OSBPL1A: variants seen among roughly 807,000 people sequenced by gnomAD.
The protein encoded by OSBPL1A is oxysterol-binding protein-related protein 1.
Under a neutral mutation model 137.1 loss-of-function variants are expected in OSBPL1A, and 80 were observed. The ratio of observed to expected loss-of-function variants is 0.58; its 90% CI spans 0.49 to 0.70. The LOEUF (loss-of-function observed/expected upper bound fraction) is 0.70. Among genes scored for constraint, OSBPL1A ranks in the 30% least tolerant of loss-of-function variants. The probability of loss-of-function intolerance (pLI) is 0.00; values close to 1 mark genes in which losing one functional copy is unlikely to be tolerated. For synonymous variants in OSBPL1A, 365 were observed against 389.7 expected (o/e 0.94, Z 0.75); for missense variants, 970 against 1,129.4 (o/e 0.86, Z 2.02).
intron 17 of OSBPL1A, among the ~76,000 whole-genome samples, chr18:24,216,813 A>C (rs1208318747): frequency 6.6e-6 from 1 of 152,142 alleles, no homozygotes; most frequent in African/African-American, 2.4e-5. Flanking sequence ...ATAAGACTAC[A>C]AACAACGGTC....
chr18:24,288,641 G>A (rs925615401), intron 14 of OSBPL1A, among the ~76,000 whole-genome samples: 1 of 152,050 alleles, frequency 6.6e-6, no homozygotes. Flanking sequence ...GGTGGCACAC[G>A]CCTGTAATCC....
At chr18:24,216,277 G>A (rs11083020) in intron 17 of OSBPL1A, among the ~76,000 whole-genome samples, 62,678 of 152,168 alleles carry the variant, frequency 0.41, 14,570 homozygotes, top group East Asian at 0.72. Context: ...AGGCCAAGGC[G>A]GGTGGATTGC....
intron 1 of OSBPL1A, among the ~76,000 whole-genome samples, chr18:24,381,103 C>A (rs772113787): frequency 6.6e-6 from 1 of 152,146 alleles, no homozygotes; most frequent in South Asian, 2.1e-4. Context: ...TCAGGACCCC[C>A]GTGGTAGTTA....
At chr18:24,175,116 A>ACATATATATATATATATATACG (rs2086403007) in intron 21 of OSBPL1A, among the ~76,000 whole-genome samples, 5 of 32,796 alleles carry the variant, frequency 1.5e-4, no homozygotes, top group African/African-American at 3.1e-4. Flanking sequence ...ATGTATATAT[A>ACATATATATATATATATATACG]TATATATATA....
intron 19 of OSBPL1A, 105 bp from the exon 20 acceptor site, chr18:24,179,940 AGGAGTTTCATTACTTT>A: frequency 1.2e-6 from 1 of 862,884 alleles, no homozygotes; most frequent in Middle Eastern, 2.2e-4. Flanking sequence ...AATTATTTTG[AGGAGTTTCATTACTTT>A]GGAGTTTTAA....
At position 24,219,611 on chromosome 18, in the gene OSBPL1A, G is replaced by C. The variant is rs556058772; in HGVS notation, c.1601+5431C>G. 1.3e-4 allele frequency among the ~76,000 whole-genome samples: 20 copies of C among 152,262 alleles called. No individual in the cohort carries two copies. The East Asian group carries it at 3.9e-3, about 29-fold the overall frequency. ...CAATAATCACTCATCTAGACTAGATGAGAACAAGCGCTTGGAGTCTGGTGA... is the reference window on the plus strand; with the variant it reads ...CAATAATCACTCATCTAGACTAGATCAGAACAAGCGCTTGGAGTCTGGTGA... On this transcript the variant is annotated intron_variant, in intron 17 of 27. Coordinates refer to ENST00000319481, the MANE Select transcript of OSBPL1A (RefSeq NM_080597.4).
At chr18:24,352,983 A>T (rs1017272440) in intron 4 of OSBPL1A, among the ~76,000 whole-genome samples, 1 of 152,184 alleles carries the variant, frequency 6.6e-6, no homozygotes, top group Non-Finnish European at 1.5e-5. Flanking sequence ...AACCTAGGCA[A>T]TACCATTCAG....
chr18:24,219,493 C>T (rs1335961123), intron 17 of OSBPL1A, among the ~76,000 whole-genome samples: 8 of 152,062 alleles, frequency 5.3e-5, no homozygotes, highest in Admixed American at 2.6e-4. Flanking sequence ...TATTTCTCTT[C>T]GTACATAAGT....
At chr18:24,222,679 A>G (rs549745985) in intron 17 of OSBPL1A, among the ~76,000 whole-genome samples, 1 of 152,162 alleles carries the variant, frequency 6.6e-6, no homozygotes, top group Non-Finnish European at 1.5e-5. Context: ...AAATAGTTCC[A>G]TGGCTAAAAA....
At chr18:24,318,877 T>G in intron 7 of OSBPL1A, 68 bp from the exon 8 acceptor site, 6 of 1,274,928 alleles carry the variant, frequency 4.7e-6, no homozygotes, top group Non-Finnish European at 6.8e-6. Context: ...ATGCTGTAAC[T>G]GCAGCATCTA....
intron 18 of OSBPL1A, among the ~76,000 whole-genome samples, chr18:24,182,908 A>G (rs2086644590): frequency 6.6e-6 from 1 of 151,410 alleles, no homozygotes; most frequent in African/African-American, 2.4e-5. Flanking sequence ...TCACTCTGTC[A>G]CCCAGGCTGG....
At chr18:24,264,867 C>G (rs1416888173) in intron 15 of OSBPL1A, among the ~76,000 whole-genome samples, 1 of 152,214 alleles carries the variant, frequency 6.6e-6, no homozygotes, top group Admixed American at 6.5e-5. Flanking sequence ...GTTTTGCCCG[C>G]TCCTAGCGGC....
chr18:24,203,069 CT>C (rs1462438573), intron 17 of OSBPL1A, among the ~76,000 whole-genome samples: 1 of 152,182 alleles, frequency 6.6e-6, no homozygotes, highest in Non-Finnish European at 1.5e-5. Flanking sequence ...CCTCCACCTC[CT>C]GGGTTCAAGC....
Position 24,244,566 on chromosome 18 carries a change from C to T in OSBPL1A, c.1282-5184G>A, listed in dbSNP as rs138274084. On this transcript the variant is annotated intron_variant, in intron 15 of 27. Coordinates refer to ENST00000319481, the MANE Select transcript of OSBPL1A (RefSeq NM_080597.4). ...AAAGCTTAAGGACTGAACCACCATA[C>T]GCTTAACAGTAAACATACGCATTGA... Among the ~76,000 whole-genome samples, 491 of 152,310 alleles carry T rather than the reference C, an allele frequency of 3.2e-3. 5 individuals carry two copies. Among genetic ancestry groups the T allele is most frequent in the African/African-American group, 0.011 (454 of 41,562 alleles).
chr18:24,212,294 G>A (rs778266930), intron 17 of OSBPL1A, among the ~76,000 whole-genome samples: 10 of 151,390 alleles, frequency 6.6e-5, no homozygotes, highest in African/African-American at 1.9e-4. Context: ...TCCTGACCTC[G>A]TGATCCACCC....
chr18:24,351,018 C>T (rs1486542971), intron 4 of OSBPL1A, among the ~76,000 whole-genome samples: 1 of 151,970 alleles, frequency 6.6e-6, no homozygotes, highest in East Asian at 1.9e-4. Flanking sequence ...ATGTGTACAG[C>T]TCTGGAGGCC....
At chr18:24,309,173 T>C (rs926097808) in intron 13 of OSBPL1A, among the ~76,000 whole-genome samples, 14 of 152,262 alleles carry the variant, frequency 9.2e-5, no homozygotes, top group African/African-American at 3.4e-4. Flanking sequence ...AGCGCAGTTC[T>C]ATACCAATAC....
intron 4 of OSBPL1A, among the ~76,000 whole-genome samples, chr18:24,342,519 G>A (rs1349150586): frequency 6.6e-6 from 1 of 152,176 alleles, no homozygotes; most frequent in African/African-American, 2.4e-5. Flanking sequence ...GACAGTGCCT[G>A]TAAAATATGA....
intron 25 of OSBPL1A, among the ~76,000 whole-genome samples, 167 bp downstream of exon 25, chr18:24,167,161 AC>A (rs2086162065): frequency 6.6e-6 from 1 of 152,178 alleles, no homozygotes; most frequent in Admixed American, 6.5e-5. Flanking sequence ...TGATGCACTT[AC>A]GACGCGCTGA....
Sources: gnomAD v4.1 joint callset for allele counts (sites outside exome capture counted in the v4.1 genomes callset) on GRCh38, gnomAD v4.1.1 for gene constraint, MANE v1.5 for transcripts, NCBI Gene and HGNC (gene_info 2026-07-23, HGNC 2026-07-21) for gene names.